FGF12: variants seen among roughly 807,000 people sequenced by gnomAD.
The protein encoded by FGF12 is fibroblast growth factor 12, also known as fibroblast growth factor 12B.
In FGF12, 14 loss-of-function variants were observed where a neutral mutation model predicts 23.6. The observed-to-expected ratio is 0.59, with a 90% CI of 0.39 to 0.93. The LOEUF (loss-of-function observed/expected upper bound fraction) is 0.93. Ranked by LOEUF, FGF12 falls within the 40% of genes least tolerant of loss-of-function variation. The probability of loss-of-function intolerance (pLI) is 0.00; values close to 1 mark genes in which losing one functional copy is unlikely to be tolerated. For synonymous variants in FGF12, 62 were observed against 77.3 expected, an observed-to-expected ratio of 0.80 and a Z score of 1.04; for missense variants, 175 against 217.8, an observed-to-expected ratio of 0.80 and a Z score of 1.24.
chr3:192,434,652 T>C (rs555852001), intron 2 of FGF12, among the ~76,000 whole-genome samples: 26 of 152,286 alleles, frequency 1.7e-4, no homozygotes, highest in African/African-American at 6.3e-4. Context: ...TTTGTTCTCC[T>C]TGATTACAGT....
chr3:192,574,994 A>G (rs1263368599), intron 2 of FGF12, among the ~76,000 whole-genome samples: 1 of 152,262 alleles, frequency 6.6e-6, no homozygotes, highest in Admixed American at 6.5e-5. Context: ...GTACACATCC[A>G]TGAACAGATA....
chr3:192,544,246 C>G (rs981907899), intron 2 of FGF12, among the ~76,000 whole-genome samples: 8 of 152,196 alleles, frequency 5.3e-5, no homozygotes, highest in Non-Finnish European at 1.2e-4. Flanking sequence ...AGAACTGCTG[C>G]TGGGGGGAGG....
chr3:192,367,697 C>T (rs1344383545), intron 2 of FGF12, among the ~76,000 whole-genome samples: 3 of 152,168 alleles, frequency 2.0e-5, no homozygotes, highest in Admixed American at 2.0e-4. Flanking sequence ...CCTGAGGCCC[C>T]TCATTCACTC....
intron 2 of FGF12, among the ~76,000 whole-genome samples, chr3:192,402,894 A>G (rs1484630828): frequency 2.6e-5 from 4 of 152,192 alleles, no homozygotes; most frequent in Admixed American, 2.6e-4. Context: ...TTTAGAAAAT[A>G]GGAAAAGTTC....
chr3:192,692,474 G>A (rs1393901999), intron 2 of FGF12, among the ~76,000 whole-genome samples: 1 of 152,144 alleles, frequency 6.6e-6, no homozygotes, highest in Admixed American at 6.5e-5. Flanking sequence ...GGAAGCCAAG[G>A]CAGGCAGATC....
chr3:192,603,300 A>G (rs1714193519), intron 2 of FGF12, among the ~76,000 whole-genome samples: 2 of 152,182 alleles, frequency 1.3e-5, no homozygotes, highest in Admixed American at 1.3e-4. Flanking sequence ...GACTCTGCCA[A>G]AAGGTTCCTG....
chr3:192,553,757 G>A (rs1385623434), intron 2 of FGF12, among the ~76,000 whole-genome samples: 1 of 152,158 alleles, frequency 6.6e-6, no homozygotes, highest in Admixed American at 6.5e-5. Flanking sequence ...CTTCTCTCTG[G>A]GGAGGAAACG....
intron 2 of FGF12, among the ~76,000 whole-genome samples, chr3:192,631,860 T>C (rs1370126471): frequency 6.6e-6 from 1 of 152,224 alleles, no homozygotes; most frequent in East Asian, 1.9e-4. Flanking sequence ...GGGTGCTGCC[T>C]GGGGTCTTCA....
At chr3:192,565,358 C>G (rs1312990150) in intron 2 of FGF12, among the ~76,000 whole-genome samples, 1 of 152,206 alleles carries the variant, frequency 6.6e-6, no homozygotes, top group African/African-American at 2.4e-5. Flanking sequence ...TAGTTGAACA[C>G]TAAATTATAG....
intron 2 of FGF12, among the ~76,000 whole-genome samples, chr3:192,467,726 A>G (rs1007456905): frequency 6.6e-6 from 1 of 152,200 alleles, no homozygotes; most frequent in Non-Finnish European, 1.5e-5. Context: ...TACTAGGCAC[A>G]TGAAGAACCA....
chr3:192,455,541 T>A (rs1462461890), intron 2 of FGF12, among the ~76,000 whole-genome samples: 1 of 152,202 alleles, frequency 6.6e-6, no homozygotes, highest in African/African-American at 2.4e-5. Flanking sequence ...ATCTCTTTAA[T>A]CTCTACACAG....
intron 4 of FGF12, among the ~76,000 whole-genome samples, chr3:192,177,867 G>A (rs546230345): frequency 6.6e-6 from 1 of 152,180 alleles, no homozygotes; most frequent in East Asian, 1.9e-4. Flanking sequence ...TAGCACTACG[G>A]CCACTTTCTA....
chr3:192,689,287 C>G (rs1244817109), intron 2 of FGF12, among the ~76,000 whole-genome samples: 1 of 152,044 alleles, frequency 6.6e-6, no homozygotes, highest in Non-Finnish European at 1.5e-5. Context: ...GATGTATACC[C>G]TAAATATCCT....
Position 192,387,974 on chromosome 3 carries a change from C to A in FGF12, c.14-27436G>T, listed in dbSNP as rs969264247. Among the ~76,000 whole-genome samples, 3 of 152,188 alleles carry A rather than the reference C, an allele frequency of 2.0e-5. No homozygotes were observed. In the East Asian group the frequency reaches 5.8e-4, roughly 29 times the overall value. On this transcript the variant is annotated intron_variant, in intron 2 of 5. Transcript: ENST00000445105. ...TAGTTATTTTATATAATTGAACATA[C>A]ATAAGGCCGGAGGGGTGTCTCACAC...
chr3:192,587,731 G>A (rs1389908522), intron 2 of FGF12, among the ~76,000 whole-genome samples: 1 of 151,866 alleles, frequency 6.6e-6, no homozygotes, highest in Non-Finnish European at 1.5e-5. Context: ...TGAGGCAGGA[G>A]AATCGCTTGA....
chr3:192,299,792 G>A (rs922033197), intron 4 of FGF12, among the ~76,000 whole-genome samples: 8 of 152,152 alleles, frequency 5.3e-5, no homozygotes, highest in Non-Finnish European at 7.4e-5. Context: ...ACATGAAGTC[G>A]TAGACAGTGC....
At chr3:192,528,987 A>G (rs1422344094) in intron 2 of FGF12, among the ~76,000 whole-genome samples, 1 of 152,194 alleles carries the variant, frequency 6.6e-6, no homozygotes, top group African/African-American at 2.4e-5. Context: ...GACCTCTGAC[A>G]TTCCCTGGAG....
chr3:192,523,455 C>G (rs1367948071), intron 2 of FGF12, among the ~76,000 whole-genome samples: 1 of 152,060 alleles, frequency 6.6e-6, no homozygotes, highest in Non-Finnish European at 1.5e-5. Flanking sequence ...ATAGTTACTT[C>G]CATGTGATTG....
chr3:192,246,667 C>T (rs953544872), intron 4 of FGF12, among the ~76,000 whole-genome samples: 1 of 151,352 alleles, frequency 6.6e-6, no homozygotes, highest in African/African-American at 2.4e-5. Flanking sequence ...CTACTGAAAA[C>T]ACAAAAAATT....
Sources: allele counts gnomAD v4.1 joint callset (sites outside exome capture counted in the v4.1 genomes callset), GRCh38; gene constraint gnomAD v4.1.1; transcripts MANE v1.5; gene names NCBI Gene and HGNC (gene_info 2026-07-23, HGNC 2026-07-21).